Variants in RPS6KA6 observed in about 807,000 individuals in gnomAD.
RPS6KA6 encodes ribosomal protein S6 kinase alpha-6.
RPS6KA6 carries 27 observed loss-of-function variants against 65.4 expected under a neutral mutation model. The observed-to-expected ratio is 0.41, with a 90% CI of 0.30 to 0.57. RPS6KA6 has a LOEUF of 0.57. Ranked by LOEUF, RPS6KA6 falls within the 20% of genes least tolerant of loss-of-function variation. RPS6KA6 has a pLI of 0.24. For synonymous variants in RPS6KA6, 190 were observed against 184.2 expected (o/e 1.03, Z -0.26); for missense variants, 486 against 555.6 (o/e 0.87, Z 1.26).
At chrX:84,109,342 C>T (rs922192219) in intron 12 of RPS6KA6, among the ~76,000 whole-genome samples, 4 of 111,333 alleles carry the variant, frequency 3.6e-5, no homozygotes, top group African/African-American at 1.3e-4. Flanking sequence ...ACTTCGACCA[C>T]ATAAGCATTC....
chrX:84,147,402 G>A (rs962493848), intron 4 of RPS6KA6, among the ~76,000 whole-genome samples: 2 of 111,162 alleles, frequency 1.8e-5, no homozygotes, highest in African/African-American at 6.6e-5. Context: ...CACCTCCCAG[G>A]CTCAAACAAT....
At chrX:84,092,545 C>T (rs758891408) in intron 20 of RPS6KA6, among the ~76,000 whole-genome samples, 1 of 109,515 alleles carries the variant, frequency 9.1e-6, no homozygotes, top group African/African-American at 3.3e-5. Flanking sequence ...TCGCTTGAAC[C>T]TGGGAGGCAG....
chrX:84,178,159 A>G (rs1249012665), intron 1 of RPS6KA6, among the ~76,000 whole-genome samples: 3 of 112,077 alleles, frequency 2.7e-5, no homozygotes, highest in African/African-American at 9.7e-5. Flanking sequence ...AGCTCCAACA[A>G]TCCAGGCTCC....
intron 2 of RPS6KA6, among the ~76,000 whole-genome samples, chrX:84,159,671 T>C (rs954979736): frequency 2.7e-5 from 3 of 110,951 alleles, no homozygotes; most frequent in African/African-American, 9.8e-5. Flanking sequence ...AAGCTACAAG[T>C]ATGCTATGGG....
At chrX:84,103,755 C>T (rs1041707983) in intron 17 of RPS6KA6, among the ~76,000 whole-genome samples, 1 of 110,703 alleles carries the variant, frequency 9.0e-6, no homozygotes, top group African/African-American at 3.3e-5. Flanking sequence ...TTAAAAAATA[C>T]TGAAAACACA....
At chrX:84,180,398 T>G (rs1228217873) in intron 1 of RPS6KA6, among the ~76,000 whole-genome samples, 1 of 111,652 alleles carries the variant, frequency 9.0e-6, no homozygotes, top group Non-Finnish European at 1.9e-5. Flanking sequence ...TGTTCTTTAT[T>G]TTTTTATTTT....
At chrX:84,091,108 C>T (rs1157304015) in intron 20 of RPS6KA6, among the ~76,000 whole-genome samples, 1 of 111,878 alleles carries the variant, frequency 8.9e-6, no homozygotes, top group East Asian at 2.8e-4. Flanking sequence ...GATGAGGTGA[C>T]GGACTACTTG....
At chrX:84,146,929 TAATA>T (rs763659314) in intron 5 of RPS6KA6, 45 bp downstream of exon 5, 160 of 680,149 alleles carry the variant, frequency 2.4e-4, no homozygotes, top group Non-Finnish European at 2.9e-4. Context: ...AATTCCATAT[TAATA>T]AATAAGGATT....
intron 8 of RPS6KA6, among the ~76,000 whole-genome samples, chrX:84,124,794 T>C (rs1054503586): frequency 2.7e-5 from 3 of 111,224 alleles, no homozygotes; most frequent in Non-Finnish European, 5.7e-5. Context: ...GAAATAAACA[T>C]ACAAGTGCAA....
intron 8 of RPS6KA6, among the ~76,000 whole-genome samples, chrX:84,127,600 T>A (rs1163291026): frequency 9.0e-6 from 1 of 110,735 alleles, no homozygotes; most frequent in African/African-American, 3.3e-5. Flanking sequence ...CAATAATACA[T>A]TAAAAAGACT....
chrX:84,178,276 T>C (rs1038421260), intron 1 of RPS6KA6, among the ~76,000 whole-genome samples: 2 of 111,066 alleles, frequency 1.8e-5, no homozygotes, highest in African/African-American at 6.6e-5. Flanking sequence ...AACTGCTATA[T>C]AAAAAATGTT....
chrX:84,068,984 G>A (rs1350855181), intron 20 of RPS6KA6, among the ~76,000 whole-genome samples: 1 of 111,892 alleles, frequency 8.9e-6, no homozygotes, highest in African/African-American at 3.2e-5. Context: ...AATGGCCATA[G>A]TGCCCAAAGT....
At chrX:84,185,700 CA>C (rs2035918891) in intron 1 of RPS6KA6, among the ~76,000 whole-genome samples, 1 of 111,902 alleles carries the variant, frequency 8.9e-6, no homozygotes, top group Non-Finnish European at 1.9e-5. Flanking sequence ...TTCTTACCTA[CA>C]TTTTCTTTAA....
chrX:84,169,947 C>T (rs2035654458), intron 1 of RPS6KA6, among the ~76,000 whole-genome samples: 1 of 110,390 alleles, frequency 9.1e-6, no homozygotes, highest in African/African-American at 3.3e-5. Context: ...AAGGCAGGTG[C>T]ATCACCTGAG....
chrX:84,161,386 C>T (rs1010022243), intron 2 of RPS6KA6, among the ~76,000 whole-genome samples: 1 of 111,667 alleles, frequency 9.0e-6, no homozygotes, highest in African/African-American at 3.2e-5. Flanking sequence ...GGCTGACCAA[C>T]ATTTTTTAGT....
intron 2 of RPS6KA6, among the ~76,000 whole-genome samples, chrX:84,158,531 A>G (rs2035453471): frequency 9.0e-6 from 1 of 111,089 alleles, no homozygotes; most frequent in Non-Finnish European, 1.9e-5. Flanking sequence ...CAACTTTGTG[A>G]TAACAATATT....
chrX:84,152,233 T>C (rs1005783455), intron 3 of RPS6KA6, among the ~76,000 whole-genome samples: 2 of 110,906 alleles, frequency 1.8e-5, no homozygotes, highest in African/African-American at 3.3e-5. Context: ...TATGAGTGAC[T>C]TTCCTAGCAT....
In RPS6KA6 at chrX:84,058,740, C is replaced by T. The variant is rs908605552; in HGVS notation, c.*5537G>A. On this transcript the variant is annotated 3_prime_UTR_variant, in exon 22 of 22. Transcript: ENST00000262752. ...TGCAGCTTTGAAGTTTTTAAGTACA[C>T]GTAAATCAAATTCACACACAACTTT... 4.5e-5 allele frequency: 5 copies of T among 111,603 alleles called. No homozygotes were observed. The highest frequency in any genetic ancestry group is 9.6e-5 in the Admixed American group (1 of 10,450). The allele number at this position is 111,603 out of a possible 1,213,427, so 9.2% of individuals were successfully genotyped here.
At chrX:84,117,624 G>A (rs1355056071) in intron 9 of RPS6KA6, among the ~76,000 whole-genome samples, 170 bp from the exon 10 acceptor site, 2 of 110,536 alleles carry the variant, frequency 1.8e-5, no homozygotes, top group Non-Finnish European at 3.8e-5. Flanking sequence ...ATATACTTCT[G>A]GTATCCCACT....
Sources: gnomAD v4.1 joint callset for allele counts (sites outside exome capture counted in the v4.1 genomes callset) on GRCh38, gnomAD v4.1.1 for gene constraint, MANE v1.5 for transcripts, NCBI Gene and HGNC (gene_info 2026-07-23, HGNC 2026-07-21) for gene names.